EMP1: variants seen among roughly 807,000 people sequenced by gnomAD.
The protein encoded by EMP1 is tumor-associated membrane protein.
A neutral mutation model predicts 15.7 loss-of-function variants in EMP1; 5 were observed. The observed-to-expected ratio is 0.32, with a 90% CI of 0.17 to 0.67. The LOEUF is 0.67. Among genes scored for constraint, EMP1 ranks in the 30% least tolerant of loss-of-function variants. EMP1 has a pLI of 0.74. For missense variants in EMP1, 166 were observed against 194.2 expected (o/e 0.85, Z 0.86); for synonymous variants, 78 against 76.7 (o/e 1.02, Z -0.09).
chr12:13,199,335 A>G (rs1864042872), intron 1 of EMP1: 1 of 152,134 alleles, frequency 6.6e-6, no homozygotes, highest in Non-Finnish European at 1.5e-5. Context: ...GAGACCCCTC[A>G]CCCGGGAATG....
At position 13,214,649 on chromosome 12, in the gene EMP1, C is replaced by T; in HGVS notation, c.432C>T (p.Ser144=). The T allele has an allele frequency of 1.2e-6, 2 of 1,613,766 alleles. No homozygotes were observed. Among genetic ancestry groups the T allele is most frequent in the Non-Finnish European group, 8.5e-7 (1 of 1,179,966 alleles). The change falls in exon 5 of 5, where the codon AGC becomes AGT. Residue 144 remains serine (S), a synonymous_variant. Coordinates refer to ENST00000256951, the MANE Select transcript of EMP1 (RefSeq NM_001423.3). The part of the protein sequence containing the change: ...YILGWICFCF[S]FIIGVLYLVL... ...TGGGCTGGATCTGCTTCTGCTTCAGCTTCATCATCGGCGTTCTCTATCTGG... is the reference window on the plus strand; with the variant it reads ...TGGGCTGGATCTGCTTCTGCTTCAGTTTCATCATCGGCGTTCTCTATCTGG...
intron 1 of EMP1, among the ~76,000 whole-genome samples, chr12:13,208,460 T>A (rs1168252990): frequency 1.3e-5 from 2 of 152,180 alleles, no homozygotes; most frequent in Non-Finnish European, 2.9e-5. Context: ...TAGGGATGAT[T>A]CAGCCCAGAA....
At chr12:13,203,694 C>CCTCATGTGA (rs1483216732) in intron 1 of EMP1, among the ~76,000 whole-genome samples, 3 of 152,244 alleles carry the variant, frequency 2.0e-5, no homozygotes, top group Non-Finnish European at 2.9e-5. Context: ...TCATGCTAAT[C>CCTCATGTGA]CTGTGAGGTC....
chr12:13,207,810 G>A (rs1159712396), intron 1 of EMP1, among the ~76,000 whole-genome samples: 1 of 152,182 alleles, frequency 6.6e-6, no homozygotes, highest in Non-Finnish European at 1.5e-5. Flanking sequence ...AGAAGTCAGT[G>A]GACGGCCTGT....
chr12:13,200,119 A>G (rs1051466236), intron 1 of EMP1, among the ~76,000 whole-genome samples: 1 of 152,114 alleles, frequency 6.6e-6, no homozygotes, highest in African/African-American at 2.4e-5. Context: ...AACCTCCCAC[A>G]TGTATGTACA....
chr12:13,214,272 G>A (rs747341660), intron 4 of EMP1: 1 of 599,234 alleles, frequency 1.7e-6, no homozygotes, highest in Non-Finnish European at 2.9e-6. Flanking sequence ...CAGCTGGGTG[G>A]TAGGCATGAG....
At chr12:13,212,264 A>T (rs529509732) in intron 2 of EMP1, among the ~76,000 whole-genome samples, 67 of 152,180 alleles carry the variant, frequency 4.4e-4, no homozygotes, top group African/African-American at 1.6e-3. Flanking sequence ...GGCTACTCTG[A>T]CCTCTAGTGG....
intron 1 of EMP1, among the ~76,000 whole-genome samples, chr12:13,204,909 A>T (rs1864098280): frequency 6.6e-6 from 1 of 152,204 alleles, no homozygotes; most frequent in Admixed American, 6.5e-5. Context: ...CCTCTGGTGA[A>T]TCTTCTGATA....
rs980116606 is a variant in EMP1 at position 13,218,763 on chromosome 12, G to A, written c.*4072G>A. The A allele has an allele frequency of 6.6e-6, 1 of 152,218 alleles. No homozygotes were observed. Among genetic ancestry groups the A allele is most frequent in the Non-Finnish European group, 1.5e-5 (1 of 68,066 alleles). 9.4% of individuals were successfully genotyped at this position (152,218 alleles called of 1,614,324 possible). ...TAATTGATAAACAACTAGGGGCTGGGTGCTGCACCTACATGCTGGGGAAAT... is the reference window on the plus strand; with the variant it reads ...TAATTGATAAACAACTAGGGGCTGGATGCTGCACCTACATGCTGGGGAAAT... On this transcript the variant is annotated 3_prime_UTR_variant, in exon 5 of 5. Coordinates refer to ENST00000256951, the MANE Select transcript of EMP1 (RefSeq NM_001423.3).
rs375009495 is a variant in EMP1 at position 13,214,717 on chromosome 12, G to T, written c.*26G>T. ...GGCCGGACGAGTTCATGGGGATCTG[G>T]GGGGTGGGGAGGAGGAAGCCGTTGA... is the stretch of plus-strand genomic sequence containing the variant. On this transcript the variant is annotated 3_prime_UTR_variant, in exon 5 of 5. Transcript: ENST00000256951. 3 of 1,606,792 alleles carry T rather than the reference G, an allele frequency of 1.9e-6. No homozygotes were observed. Among genetic ancestry groups the T allele is most frequent in the African/African-American group, 1.3e-5 (1 of 74,102 alleles).
intron 1 of EMP1, among the ~76,000 whole-genome samples, chr12:13,201,002 A>C (rs1405295709): frequency 1.3e-5 from 2 of 152,232 alleles, no homozygotes; most frequent in Non-Finnish European, 2.9e-5. Flanking sequence ...AAGACAGCTG[A>C]CTAGGAAGAC....
chr12:13,216,330 A>T lies in EMP1; in HGVS notation c.*1639A>T. 1 of 698,916 alleles carries T rather than the reference A, an allele frequency of 1.4e-6. No homozygotes were observed. Among genetic ancestry groups the T allele is most frequent in the Middle Eastern group, 2.3e-4 (1 of 4,348 alleles). The allele number at this position is 698,916 out of a possible 1,614,324, so 43.3% of individuals were successfully genotyped here. On this transcript the variant is annotated 3_prime_UTR_variant, in exon 5 of 5. Coordinates refer to ENST00000256951, the MANE Select transcript of EMP1 (RefSeq NM_001423.3). ...TGATTTTTGGTATTTATGTAAAAGG[A>T]TTATTACTAATTCTATTTCTCTATG...
In EMP1 at chr12:13,216,246, T is replaced by C; in HGVS notation, c.*1555T>C. The C allele has an allele frequency of 1.6e-6, 1 of 610,692 alleles. No individual in the cohort carries two copies. The highest frequency in any genetic ancestry group is 2.0e-5 in the South Asian group (1 of 50,816). The allele number at this position is 610,692 out of a possible 1,614,324, so 37.8% of individuals were successfully genotyped here. A position where few individuals can be genotyped will look rare whatever the true frequency, so the allele number is the denominator to read the frequency against. The stretch of plus-strand genomic sequence containing the variant: ...GAGACATCTTGCCTACTTTTCTTTA[T>C]TAGCTTTCTCCTCATCCATTTCTTT... On this transcript the variant is annotated 3_prime_UTR_variant, in exon 5 of 5. Transcript: ENST00000256951.
chr12:13,216,323 T>C lies in EMP1; in HGVS notation c.*1632T>C. On this transcript the variant is annotated 3_prime_UTR_variant, in exon 5 of 5. Coordinates refer to ENST00000256951, the MANE Select transcript of EMP1 (RefSeq NM_001423.3). Reference sequence around the variant, plus strand: ...TATGCCATGATTTTTGGTATTTATGTAAAAGGATTATTACTAATTCTATTT... The same window carrying C: ...TATGCCATGATTTTTGGTATTTATGCAAAAGGATTATTACTAATTCTATTT... 1.4e-6 allele frequency: 1 copy of C among 696,078 alleles called. No homozygotes were observed. Among genetic ancestry groups the C allele is most frequent in the South Asian group, 1.5e-5 (1 of 65,862 alleles). 43.1% of individuals were successfully genotyped at this position (696,078 alleles called of 1,614,324 possible). A position where few individuals can be genotyped will look rare whatever the true frequency, so the allele number is the denominator to read the frequency against.
Position 13,219,326 on chromosome 12 carries a change from G to C in EMP1, c.*4635G>C, listed in dbSNP as rs758027708. The C allele has an allele frequency of 6.6e-6, 1 of 152,228 alleles. No individual in the cohort carries two copies. Among genetic ancestry groups the C allele is most frequent in the Non-Finnish European group, 1.5e-5 (1 of 68,076 alleles). The allele number at this position is 152,228 out of a possible 1,614,324, so 9.4% of individuals were successfully genotyped here. A position where few individuals can be genotyped will look rare whatever the true frequency, so the allele number is the denominator to read the frequency against. Reference sequence around the variant, plus strand: ...TATTGGCAACTCCAGTTCCCAATAAGTTCCTCATCTCCTTCTGAGACCACC... The same window carrying C: ...TATTGGCAACTCCAGTTCCCAATAACTTCCTCATCTCCTTCTGAGACCACC... On this transcript the variant is annotated 3_prime_UTR_variant, in exon 5 of 5. Coordinates refer to ENST00000256951, the MANE Select transcript of EMP1 (RefSeq NM_001423.3).
At chr12:13,203,588 T>TCCC (rs374617410) in intron 1 of EMP1, among the ~76,000 whole-genome samples, 1 of 152,208 alleles carries the variant, frequency 6.6e-6, no homozygotes, top group African/African-American at 2.4e-5. Flanking sequence ...AAAGCCCATT[T>TCCC]CCCCGGCCCG....
At chr12:13,212,795 A>G (rs1000038649) in intron 2 of EMP1, among the ~76,000 whole-genome samples, 2 of 152,218 alleles carry the variant, frequency 1.3e-5, no homozygotes, top group African/African-American at 4.8e-5. Context: ...TCTCTTCCAG[A>G]AGGATAATTC....
intron 1 of EMP1, among the ~76,000 whole-genome samples, chr12:13,205,284 C>A (rs767821221): frequency 6.6e-6 from 1 of 152,210 alleles, no homozygotes; most frequent in African/African-American, 2.4e-5. Flanking sequence ...ATTTTCTTTG[C>A]ATTCACTTAT....
At chr12:13,203,685 C>T (rs560631019) in intron 1 of EMP1, among the ~76,000 whole-genome samples, 1 of 152,354 alleles carries the variant, frequency 6.6e-6, no homozygotes, top group East Asian at 1.9e-4. Flanking sequence ...CTTCAGCCCT[C>T]ATGCTAATCC....
Sources: allele counts gnomAD v4.1 joint callset (sites outside exome capture counted in the v4.1 genomes callset), GRCh38; gene constraint gnomAD v4.1.1; transcripts MANE v1.5; gene names NCBI Gene and HGNC (gene_info 2026-07-23, HGNC 2026-07-21).